WDR27: variants seen among roughly 807,000 people sequenced by gnomAD.
The protein encoded by WDR27 is WD repeat-containing protein 27.
A neutral mutation model predicts 114.4 loss-of-function variants in WDR27; 100 were observed. That is an observed-to-expected ratio of 0.87 (90% CI 0.74 to 1.03). The LOEUF (loss-of-function observed/expected upper bound fraction) is 1.03. Ranked by LOEUF, WDR27 falls within the 50% of genes least tolerant of loss-of-function variation. The pLI, the probability that WDR27 is intolerant of heterozygous loss-of-function variation, is 0.00. For missense variants in WDR27, 1,129 were observed against 1,092.9 expected, an observed-to-expected ratio of 1.03 and a Z score of -0.47; for synonymous variants, 449 against 423.1, an observed-to-expected ratio of 1.06 and a Z score of -0.75.
chr6:169,594,344 T>C (rs1227268322), intron 23 of WDR27, among the ~76,000 whole-genome samples: 1 of 152,238 alleles, frequency 6.6e-6, no homozygotes, highest in Non-Finnish European at 1.5e-5. Context: ...TCATTTATGG[T>C]CATTGTTCAT....
At position 169,508,860 on chromosome 6, in the gene WDR27, G is replaced by A. The variant is rs114078469; in HGVS notation, c.2646-51226C>T. Reference sequence around the variant, plus strand: ...ATAAATGATGGACTTTATTCACTCTGGTATATTTAACTTTCATCCTTAAAG... The same window carrying A: ...ATAAATGATGGACTTTATTCACTCTAGTATATTTAACTTTCATCCTTAAAG... On this transcript the variant is annotated intron_variant, in intron 25 of 25. Coordinates refer to ENST00000448612, the MANE Select transcript of WDR27 (RefSeq NM_182552.5). Among the ~76,000 whole-genome samples the A allele has an allele frequency of 3.1e-3, 473 of 152,260 alleles. 4 individuals are homozygous for A. Among genetic ancestry groups the A allele is most frequent in the African/African-American group, 0.011 (464 of 41,530 alleles).
At chr6:169,582,537 T>G (rs1315817434) in intron 24 of WDR27, among the ~76,000 whole-genome samples, 1 of 152,196 alleles carries the variant, frequency 6.6e-6, no homozygotes, top group Non-Finnish European at 1.5e-5. Context: ...TAACCGTATT[T>G]GTCCACAGGT....
chr6:169,599,776 T>C (rs1248291095), intron 23 of WDR27, among the ~76,000 whole-genome samples: 1 of 152,188 alleles, frequency 6.6e-6, no homozygotes, highest in Non-Finnish European at 1.5e-5. Context: ...TCTGCTCTGA[T>C]CTTAGTTATT....
At chr6:169,661,752 T>G (rs1237973179) in intron 9 of WDR27, among the ~76,000 whole-genome samples, 1 of 152,174 alleles carries the variant, frequency 6.6e-6, no homozygotes, top group African/African-American at 2.4e-5. Context: ...GGGGCAGCTC[T>G]GCACAGAGAC....
intron 25 of WDR27, among the ~76,000 whole-genome samples, chr6:169,516,572 T>C (rs575201911): frequency 1.3e-5 from 2 of 152,198 alleles, no homozygotes; most frequent in Admixed American, 1.3e-4. Context: ...GGGAAGACGA[T>C]GTACAAACCA....
intron 25 of WDR27, among the ~76,000 whole-genome samples, chr6:169,470,430 T>A (rs1025142704): frequency 6.6e-6 from 1 of 152,230 alleles, no homozygotes; most frequent in African/African-American, 2.4e-5. Context: ...CTCTACTTCC[T>A]GCTACTAAAA....
intron 24 of WDR27, among the ~76,000 whole-genome samples, chr6:169,575,462 C>T (rs535734573): frequency 2.6e-5 from 4 of 152,026 alleles, no homozygotes; most frequent in African/African-American, 4.8e-5. Context: ...TCTCTGCAAA[C>T]GTGTTTCTGT....
chr6:169,699,553 G>A (rs1294884746), intron 1 of WDR27, among the ~76,000 whole-genome samples: 1 of 152,154 alleles, frequency 6.6e-6, no homozygotes, highest in Non-Finnish European at 1.5e-5. Context: ...AAGGGCACAC[G>A]GTGGGCTCAG....
At chr6:169,661,922 A>T (rs1232095155) in intron 9 of WDR27, among the ~76,000 whole-genome samples, 1 of 152,252 alleles carries the variant, frequency 6.6e-6, no homozygotes, top group Non-Finnish European at 1.5e-5. Flanking sequence ...TACTGAGCAC[A>T]GAAATAAATA....
At chr6:169,626,315 G>C (rs12111411) in intron 21 of WDR27, among the ~76,000 whole-genome samples, 17 of 152,186 alleles carry the variant, frequency 1.1e-4, no homozygotes, top group African/African-American at 4.1e-4. Context: ...GGTGACAGAG[G>C]GGGGCTGTGC....
chr6:169,552,688 T>C (rs555317893), intron 25 of WDR27, among the ~76,000 whole-genome samples: 1 of 152,380 alleles, frequency 6.6e-6, no homozygotes, highest in African/African-American at 2.4e-5. Flanking sequence ...TTTATTGTGA[T>C]GTAATTATCC....
chr6:169,665,277 C>T, intron 7 of WDR27: 1 of 1,336,546 alleles, frequency 7.5e-7, no homozygotes, highest in Non-Finnish European at 9.6e-7. Context: ...ACATGCAGAC[C>T]CAGCTCCTCC....
At chr6:169,634,820 A>G (rs1218185537) in intron 19 of WDR27, among the ~76,000 whole-genome samples, 2 of 152,140 alleles carry the variant, frequency 1.3e-5, no homozygotes, top group Non-Finnish European at 2.9e-5. Context: ...TCTATAGGGT[A>G]TTTCCATGTA....
intron 19 of WDR27, among the ~76,000 whole-genome samples, chr6:169,636,123 G>A (rs1817614949): frequency 6.6e-6 from 1 of 152,184 alleles, no homozygotes; most frequent in Admixed American, 6.5e-5. Flanking sequence ...GAGCCGAGAT[G>A]ATAATTGAGG....
At chr6:169,577,639 G>A (rs917766737) in intron 24 of WDR27, among the ~76,000 whole-genome samples, 4 of 152,202 alleles carry the variant, frequency 2.6e-5, no homozygotes, top group Admixed American at 1.3e-4. Flanking sequence ...AGCTTAGCCC[G>A]TGAGCCCCGC....
At chr6:169,699,965 G>T (rs1787433918) in intron 1 of WDR27, among the ~76,000 whole-genome samples, 1 of 152,142 alleles carries the variant, frequency 6.6e-6, no homozygotes, top group Non-Finnish European at 1.5e-5. Flanking sequence ...CTGGACAACA[G>T]TGACATCCTG....
chr6:169,672,090 G>C (rs1337427358), intron 3 of WDR27, 165 bp downstream of exon 3: 14 of 620,374 alleles, frequency 2.3e-5, no homozygotes, highest in Non-Finnish European at 3.6e-5. Flanking sequence ...TAAAGCGCCT[G>C]CTTGCATGCC....
At chr6:169,697,599 C>A (rs139348956) in intron 1 of WDR27, among the ~76,000 whole-genome samples, 3 of 152,330 alleles carry the variant, frequency 2.0e-5, no homozygotes, top group African/African-American at 7.2e-5. Context: ...ATCCGGTACA[C>A]CTGGCTCTGC....
intron 25 of WDR27, among the ~76,000 whole-genome samples, chr6:169,498,302 G>T (rs1790668123): frequency 6.6e-6 from 1 of 152,054 alleles, no homozygotes; most frequent in Non-Finnish European, 1.5e-5. Flanking sequence ...GCGAGGAATG[G>T]GGAGTTAGTG....
Sources: allele counts gnomAD v4.1 joint callset (sites outside exome capture counted in the v4.1 genomes callset), GRCh38; gene constraint gnomAD v4.1.1; transcripts MANE v1.5; gene names NCBI Gene and HGNC (gene_info 2026-07-23, HGNC 2026-07-21).